AP3S1: variants seen among roughly 807,000 people sequenced by gnomAD.
AP3S1 encodes adaptor related protein complex 3 subunit sigma 1.
In AP3S1, 12 loss-of-function variants were observed where a neutral mutation model predicts 21.3. The observed-to-expected ratio is 0.56, with a 90% CI of 0.36 to 0.91. The LOEUF (loss-of-function observed/expected upper bound fraction) is 0.91. Ranked by LOEUF, AP3S1 falls within the 40% of genes least tolerant of loss-of-function variation. The pLI is 0.01. For synonymous variants in AP3S1, 48 were observed against 78.4 expected (o/e 0.61, Z 2.05); for missense variants, 116 against 225.0 (o/e 0.52, Z 3.10).
At chr5:115,898,590 T>TG (rs1329999586) in intron 4 of AP3S1, 1 of 152,072 alleles carries the variant, frequency 6.6e-6, no homozygotes, top group Non-Finnish European at 1.5e-5. Context: ...GTGGTGGGGA[T>TG]GGGGTGTGAG....
At chr5:115,860,934 A>T (rs1415738618) in intron 1 of AP3S1, among the ~76,000 whole-genome samples, 1 of 152,154 alleles carries the variant, frequency 6.6e-6, no homozygotes, top group East Asian at 1.9e-4. Flanking sequence ...CAGATTTTGG[A>T]TAATATAAAT....
At chr5:115,905,883 A>T (rs1353173910) in intron 5 of AP3S1, among the ~76,000 whole-genome samples, 1 of 152,244 alleles carries the variant, frequency 6.6e-6, no homozygotes, top group Non-Finnish European at 1.5e-5. Flanking sequence ...GGCTGGGCGC[A>T]GTGGCTCACG....
chr5:115,913,528 G>T lies in AP3S1; in HGVS notation c.*38G>T. The T allele has an allele frequency of 1.9e-6, 3 of 1,604,132 alleles. No individual in the cohort carries two copies. Among genetic ancestry groups the T allele is most frequent in the South Asian group, 2.2e-5 (2 of 89,220 alleles). Reference sequence around the variant, plus strand: ...GCCACTCCCAGGTAAAATCCAGGGGGAAGAGTCATCTAAGTTTACCATGCA... The same window carrying T: ...GCCACTCCCAGGTAAAATCCAGGGGTAAGAGTCATCTAAGTTTACCATGCA... On this transcript the variant is annotated 3_prime_UTR_variant, in exon 6 of 6. Coordinates refer to ENST00000316788, the MANE Select transcript of AP3S1 (RefSeq NM_001284.4).
chr5:115,896,549 C>G (rs1055112370), intron 4 of AP3S1, among the ~76,000 whole-genome samples: 4 of 152,038 alleles, frequency 2.6e-5, no homozygotes, highest in Non-Finnish European at 5.9e-5. Flanking sequence ...GAGGCTGAGG[C>G]CGGAGGATTG....
Position 115,866,664 on chromosome 5 carries a change from C to T in AP3S1, c.70-6C>T. 1.3e-6 allele frequency: 2 copies of T among 1,571,490 alleles called. No individual in the cohort carries two copies. Among genetic ancestry groups the T allele is most frequent in the Non-Finnish European group, 1.7e-6 (2 of 1,149,294 alleles). ...ATCCTAATATATATGAATTATTCTT[C>T]CTCAGAGTGAAGATACACAACAGCA... On this transcript the variant is annotated splice_region_variant and splice_polypyrimidine_tract_variant and intron_variant, in intron 1 of 5. Transcript: ENST00000316788.
chr5:115,861,591 G>T (rs542917811), intron 1 of AP3S1, among the ~76,000 whole-genome samples: 1 of 152,032 alleles, frequency 6.6e-6, no homozygotes, highest in Non-Finnish European at 1.5e-5. Context: ...GTCTTGCTCT[G>T]TCATCCAGAC....
intron 3 of AP3S1, among the ~76,000 whole-genome samples, chr5:115,882,121 A>G (rs1048063169): frequency 2.6e-5 from 4 of 151,922 alleles, no homozygotes; most frequent in Non-Finnish European, 5.9e-5. Flanking sequence ...CAAGGCTCTT[A>G]GCTTCCTTGC....
intron 5 of AP3S1, chr5:115,906,973 A>G: frequency 6.8e-6 from 9 of 1,322,338 alleles, no homozygotes; most frequent in Non-Finnish European, 8.7e-6. Context: ...ATAAACCCAT[A>G]TAGTCCCTGT....
intron 3 of AP3S1, among the ~76,000 whole-genome samples, chr5:115,881,746 G>A (rs1263646785): frequency 6.6e-6 from 1 of 152,138 alleles, no homozygotes; most frequent in African/African-American, 2.4e-5. Context: ...ATGTTGGCCT[G>A]CCTTGCTAGG....
At chr5:115,901,458 G>T (rs1751204902) in intron 4 of AP3S1, among the ~76,000 whole-genome samples, 1 of 148,320 alleles carries the variant, frequency 6.7e-6, no homozygotes, top group Admixed American at 6.7e-5. Flanking sequence ...GGTTTGGTTT[G>T]GTTGGCTAGG....
chr5:115,902,842 A>G, intron 4 of AP3S1, 43 bp from the exon 5 acceptor site: 2 of 1,354,092 alleles, frequency 1.5e-6, no homozygotes, highest in Middle Eastern at 2.6e-4. Context: ...ACTTCTTTTT[A>G]GTGAATTTTC....
chr5:115,872,315 A>C (rs915051494), intron 3 of AP3S1, among the ~76,000 whole-genome samples: 17 of 152,130 alleles, frequency 1.1e-4, no homozygotes, highest in African/African-American at 4.1e-4. Context: ...TGTTAATAAA[A>C]TAAAAAAGGA....
chr5:115,886,604 T>C (rs1749805591), intron 3 of AP3S1, among the ~76,000 whole-genome samples: 1 of 152,184 alleles, frequency 6.6e-6, no homozygotes, highest in Non-Finnish European at 1.5e-5. Flanking sequence ...ATGTTATCGG[T>C]AAGGCTTCTG....
At chr5:115,868,767 A>G (rs1747927552) in intron 2 of AP3S1, among the ~76,000 whole-genome samples, 1 of 151,830 alleles carries the variant, frequency 6.6e-6, no homozygotes, top group African/African-American at 2.4e-5. Flanking sequence ...CTGTAATTGC[A>G]GCTACTTTGG....
intron 1 of AP3S1, among the ~76,000 whole-genome samples, chr5:115,851,706 C>G (rs1286426497): frequency 1.3e-5 from 2 of 151,946 alleles, no homozygotes; most frequent in African/African-American, 4.8e-5. Context: ...AAAATATATT[C>G]TAGATATCAG....
chr5:115,869,386 A>G (rs1748018452), intron 2 of AP3S1, among the ~76,000 whole-genome samples: 1 of 152,102 alleles, frequency 6.6e-6, no homozygotes, highest in South Asian at 2.1e-4. Context: ...TGACGTATGG[A>G]GTTAAATCTA....
At chr5:115,889,819 A>T (rs1415401817) in intron 3 of AP3S1, among the ~76,000 whole-genome samples, 1 of 151,380 alleles carries the variant, frequency 6.6e-6, no homozygotes, top group Non-Finnish European at 1.5e-5. Flanking sequence ...TTAAAAAAAA[A>T]TGATAAAAAG....
At chr5:115,891,924 T>G (rs1362228816) in intron 3 of AP3S1, among the ~76,000 whole-genome samples, 1 of 152,230 alleles carries the variant, frequency 6.6e-6, no homozygotes, top group Non-Finnish European at 1.5e-5. Flanking sequence ...GAGATCATTT[T>G]GGAGCTTTAA....
intron 1 of AP3S1, among the ~76,000 whole-genome samples, chr5:115,865,288 T>C (rs1020692351): frequency 5.3e-5 from 8 of 152,180 alleles, no homozygotes; most frequent in Non-Finnish European, 1.2e-4. Context: ...CATTTTCTTT[T>C]CTCTAGCTTA....
Sources: gnomAD v4.1 joint callset for allele counts (sites outside exome capture counted in the v4.1 genomes callset) on GRCh38, gnomAD v4.1.1 for gene constraint, MANE v1.5 for transcripts, NCBI Gene and HGNC (gene_info 2026-07-23, HGNC 2026-07-21) for gene names.